PIK3CG: variants seen among roughly 807,000 people sequenced by gnomAD.
PIK3CG encodes the protein phosphatidylinositol-4,5-bisphosphate 3-kinase catalytic subunit gamma.
In PIK3CG, 55 loss-of-function variants were observed where a neutral mutation model predicts 102.3. That is an observed-to-expected ratio of 0.54 (90% confidence interval 0.43 to 0.67). The LOEUF is 0.67. Ranked by LOEUF, PIK3CG falls within the 30% of genes least tolerant of loss-of-function variation. The pLI is 0.00. For missense variants in PIK3CG, 1,258 were observed against 1,391.8 expected, an observed-to-expected ratio of 0.90 and a Z score of 1.53; for synonymous variants, 552 against 540.0, an observed-to-expected ratio of 1.02 and a Z score of -0.31.
chr7:106,867,040 T>C lies in PIK3CG; in HGVS notation c.-12-510T>C, dbSNP rs949548387. 6.6e-6 allele frequency among the ~76,000 whole-genome samples: 1 copy of C among 152,234 alleles called. No individual in the cohort carries two copies. Among genetic ancestry groups the C allele is most frequent in the Non-Finnish European group, 1.5e-5 (1 of 68,044 alleles). ...ATTTTTTGGCATCTCGTGTTGCACC[T>C]TGTAAACTGGGACTTGAACCTTAAC... is the stretch of plus-strand genomic sequence containing the variant. On this transcript the variant is annotated intron_variant, in intron 1 of 10. Coordinates refer to ENST00000496166, the MANE Select transcript of PIK3CG (RefSeq NM_001282426.2). The surrounding 1 kb of genome is among the most constrained non-coding windows in gnomAD (Gnocchi z 5.1).
At position 106,877,948 on chromosome 7, in the gene PIK3CG, CA is replaced by C. The variant is rs1245689454; in HGVS notation, c.2392-1570del. On this transcript the variant is annotated intron_variant, in intron 5 of 10. Transcript: ENST00000496166. This position sits in a 1 kb window ranked among gnomAD's most constrained non-coding sequence, Gnocchi z 4.5. Reference sequence around the variant, plus strand: ...CTAAACAGTTAAAAAATAGACTTAACAGACTTAATAGATGAAATAATTTTTA... The same window carrying C: ...CTAAACAGTTAAAAAATAGACTTAACGACTTAATAGATGAAATAATTTTTA... 6.6e-6 allele frequency among the ~76,000 whole-genome samples: 1 copy of C among 152,140 alleles called. No homozygotes were observed.
Position 106,906,694 on chromosome 7 carries a change from C to T in PIK3CG, c.*1307C>T. 4.4e-6 allele frequency: 1 copy of T among 227,218 alleles called. No homozygotes were observed. The highest frequency in any genetic ancestry group is 8.7e-6 in the Non-Finnish European group (1 of 114,534). 14.1% of individuals were successfully genotyped at this position (227,218 alleles called of 1,614,324 possible). A position where few individuals can be genotyped will look rare whatever the true frequency, so the allele number is the denominator to read the frequency against. ...TATTTATAAAATATTTTGTAATTAC[C>T]TGTAGCTAATACATTACATAGAAAA... is the stretch of plus-strand genomic sequence containing the variant. On this transcript the variant is annotated 3_prime_UTR_variant, in exon 11 of 11. Coordinates refer to ENST00000496166, the MANE Select transcript of PIK3CG (RefSeq NM_001282426.2).
At position 106,907,838 on chromosome 7, in the gene PIK3CG, G is replaced by GTATATA. The variant is rs142177460; in HGVS notation, c.*2465_*2470dup. On this transcript the variant is annotated 3_prime_UTR_variant, in exon 11 of 11. Transcript: ENST00000496166. The stretch of plus-strand genomic sequence containing the variant: ...TATATATATATATGTATGTGTGTGT[G>GTATATA]TATATATATATATATATATCACAGT... Among the ~76,000 whole-genome samples, 827 of 135,300 alleles carry GTATATA rather than the reference G, an allele frequency of 6.1e-3. 7 individuals carry two copies. The highest frequency in any genetic ancestry group is 0.016 in the African/African-American group (619 of 38,440). The allele number at this position is 135,300 out of a possible 152,430, so 88.8% of individuals were successfully genotyped here.
rs1791393425 is a variant in PIK3CG, at chr7:106,895,776, A to G, written c.3031-9333A>G. On this transcript the variant is annotated intron_variant, in intron 10 of 10. Transcript: ENST00000496166. The surrounding 1 kb of genome is among the most constrained non-coding windows in gnomAD (Gnocchi z 5.4). ...TATGTAGCACTTAAATCTCACCACAACAACATGAAATGGGTATCATTCTTA... is the reference window on the plus strand; with the variant it reads ...TATGTAGCACTTAAATCTCACCACAGCAACATGAAATGGGTATCATTCTTA... 6.6e-6 allele frequency among the ~76,000 whole-genome samples: 1 copy of G among 152,234 alleles called. No individual in the cohort carries two copies. Among genetic ancestry groups the G allele is most frequent in the African/African-American group, 2.4e-5 (1 of 41,466 alleles).
chr7:106,882,012 C>G (rs974679064), intron 6 of PIK3CG, 105 bp from the exon 7 acceptor site: 1 of 400,184 alleles, frequency 2.5e-6, no homozygotes, highest in South Asian at 1.3e-4. Flanking sequence ...TACATTTACT[C>G]TTATATTTTG....
chr7:106,893,454 G>A lies in PIK3CG; in HGVS notation c.3030+7162G>A, dbSNP rs1791318688. On this transcript the variant is annotated intron_variant, in intron 10 of 10. Coordinates refer to ENST00000496166, the MANE Select transcript of PIK3CG (RefSeq NM_001282426.2). This position sits in a 1 kb window ranked among gnomAD's most constrained non-coding sequence, Gnocchi z 4.4. ...CTGGAAAAGATACGAATCCAAAACTGGAAAGATAATAACCTTTTAATTGAC... is the reference window on the plus strand; with the variant it reads ...CTGGAAAAGATACGAATCCAAAACTAGAAAGATAATAACCTTTTAATTGAC... Among the ~76,000 whole-genome samples, 2 of 152,104 alleles carry A rather than the reference G, an allele frequency of 1.3e-5. No homozygotes were observed.
intron 6 of PIK3CG, 68 bp from the exon 7 acceptor site, chr7:106,882,049 A>G: frequency 1.7e-6 from 1 of 594,116 alleles, no homozygotes; most frequent in Non-Finnish European, 2.5e-6. Context: ...TGCTATTTTT[A>G]AGGGAGAAGA....
chr7:106,873,555 T>G (rs1197320166), intron 4 of PIK3CG, among the ~76,000 whole-genome samples: 1 of 152,174 alleles, frequency 6.6e-6, no homozygotes, highest in Non-Finnish European at 1.5e-5. Context: ...GTATCAGATA[T>G]TATAGGTATC....
rs1791017534 is a variant in PIK3CG at position 106,884,075 on chromosome 7, C to T, written c.2761-80C>T. 4 of 1,080,388 alleles carry T rather than the reference C, an allele frequency of 3.7e-6. No individual in the cohort carries two copies. In the East Asian group the frequency reaches 9.6e-5, roughly 26 times the overall value. The allele number at this position is 1,080,388 out of a possible 1,614,324, so 66.9% of individuals were successfully genotyped here. A position where few individuals can be genotyped will look rare whatever the true frequency, so the allele number is the denominator to read the frequency against. On this transcript the variant is annotated intron_variant, in intron 8 of 10. Coordinates refer to ENST00000496166, the MANE Select transcript of PIK3CG (RefSeq NM_001282426.2). The surrounding 1 kb of genome is among the most constrained non-coding windows in gnomAD (Gnocchi z 4.2). ...CTCTGAAAATGGTTTCCAGAATATTCTCTTTTTAGAAGTCATTTGTAGATT... is the reference window on the plus strand; with the variant it reads ...CTCTGAAAATGGTTTCCAGAATATTTTCTTTTTAGAAGTCATTTGTAGATT...
At position 106,867,011 on chromosome 7, in the gene PIK3CG, T is replaced by C. The variant is rs1426139015; in HGVS notation, c.-12-539T>C. On this transcript the variant is annotated intron_variant, in intron 1 of 10. Transcript: ENST00000496166. This position sits in a 1 kb window ranked among gnomAD's most constrained non-coding sequence, Gnocchi z 5.1. ...GTAAGTTAAAGGCCTGTTTTCAAAG[T>C]GAGATTTTTTGGCATCTCGTGTTGC... Among the ~76,000 whole-genome samples the C allele has an allele frequency of 6.6e-6, 1 of 152,156 alleles. No individual in the cohort carries two copies. The highest frequency in any genetic ancestry group is 1.9e-4 in the East Asian group (1 of 5,202).
At chr7:106,875,359 C>A (rs371480067) in intron 5 of PIK3CG, among the ~76,000 whole-genome samples, 905 of 126,382 alleles carry the variant, frequency 7.2e-3, no homozygotes, top group South Asian at 8.2e-3. Flanking sequence ...GACTCCGTCT[C>A]AAAAAAAAAA....
chr7:106,908,722 A>T lies in PIK3CG; in HGVS notation c.*3335A>T, dbSNP rs574089616. Among the ~76,000 whole-genome samples, 6 of 152,344 alleles carry T rather than the reference A, an allele frequency of 3.9e-5. No individual in the cohort carries two copies. Among genetic ancestry groups the T allele is most frequent in the African/African-American group, 1.2e-4 (5 of 41,580 alleles). On this transcript the variant is annotated 3_prime_UTR_variant, in exon 11 of 11. Transcript: ENST00000496166. This position sits in a 1 kb window ranked among gnomAD's most constrained non-coding sequence, Gnocchi z 4.1. ...AATTCTGCAGTATAATTTGGAGGCT[A>T]TTAGTGCTATATTAATGGAAATTAA...
intron 7 of PIK3CG, chr7:106,882,708 TA>T (rs1562961149): frequency 4.6e-6 from 1 of 219,658 alleles, no homozygotes; most frequent in Non-Finnish European, 8.9e-6. Flanking sequence ...CCCTGTAATT[TA>T]AAAAAGGAAA....
intron 1 of PIK3CG, among the ~76,000 whole-genome samples, chr7:106,866,304 C>T (rs981735412): frequency 5.5e-4 from 83 of 152,280 alleles, no homozygotes; most frequent in African/African-American, 1.9e-3. Flanking sequence ...TGATACTAAA[C>T]ATTGAAAGCA....
At chr7:106,876,194 G>A (rs1294523471) in intron 5 of PIK3CG, among the ~76,000 whole-genome samples, 1 of 151,936 alleles carries the variant, frequency 6.6e-6, no homozygotes, top group Non-Finnish European at 1.5e-5. Context: ...GATTACAGGC[G>A]TGAGCCACCG....
At chr7:106,876,442 A>C (rs1014723726) in intron 5 of PIK3CG, among the ~76,000 whole-genome samples, 2 of 147,458 alleles carry the variant, frequency 1.4e-5, no homozygotes, top group African/African-American at 5.0e-5. Flanking sequence ...CCCAGGGTGG[A>C]GTGCAGAGGC....
chr7:106,896,531 G>C (rs114598956), intron 10 of PIK3CG, among the ~76,000 whole-genome samples: 1,539 of 152,230 alleles, frequency 0.01, 30 homozygotes, highest in African/African-American at 0.035. Context: ...AGAAATGAGA[G>C]AGACCTCAGT....
intron 5 of PIK3CG, among the ~76,000 whole-genome samples, chr7:106,876,115 C>T (rs1341121718): frequency 6.6e-6 from 1 of 150,684 alleles, no homozygotes; most frequent in Non-Finnish European, 1.5e-5. Context: ...GGGGTTTCAC[C>T]TTGTTAGCCA....
Position 106,883,508 on chromosome 7 carries a change from C to CG in PIK3CG, c.2760+345_2760+346insG, listed in dbSNP as rs1791002099. 6.6e-6 allele frequency among the ~76,000 whole-genome samples: 1 copy of CG among 152,188 alleles called. No individual in the cohort carries two copies. The highest frequency in any genetic ancestry group is 2.1e-4 in the South Asian group (1 of 4,830). On this transcript the variant is annotated intron_variant, in intron 8 of 10. Transcript: ENST00000496166. The surrounding 1 kb of genome is among the most constrained non-coding windows in gnomAD (Gnocchi z 5.8). ...GATATTTAGTTACCATGTATAAACT[C>CG]TTACGTACCTGGGAAATACAACATA...
Sources: gnomAD v4.1 joint callset for allele counts (sites outside exome capture counted in the v4.1 genomes callset) on GRCh38, gnomAD v4.1.1 for gene constraint, Gnocchi (gnomAD v3.1) non-coding constraint, MANE v1.5 for transcripts, NCBI Gene and HGNC (gene_info 2026-07-23, HGNC 2026-07-21) for gene names.